Variants in F13A1 observed in about 807,000 individuals in gnomAD.
F13A1 encodes the protein coagulation factor XIII A chain.
A neutral mutation model predicts 80.1 loss-of-function variants in F13A1; 47 were observed. That is an observed-to-expected ratio of 0.59 (90% CI 0.46 to 0.75). The LOEUF (loss-of-function observed/expected upper bound fraction) is 0.75. F13A1 is among the 30% of genes least tolerant of loss of function. The pLI is 0.00. For synonymous variants in F13A1, 349 were observed against 344.9 expected (o/e 1.01, Z -0.13); for missense variants, 817 against 930.4 (o/e 0.88, Z 1.59).
At chr6:6,176,360 C>A (rs1760882882) in intron 11 of F13A1, among the ~76,000 whole-genome samples, 1 of 152,154 alleles carries the variant, frequency 6.6e-6, no homozygotes, top group African/African-American at 2.4e-5. Context: ...GTCATTTAAT[C>A]CTCATAACAA....
At chr6:6,185,169 G>A (rs976084569) in intron 10 of F13A1, among the ~76,000 whole-genome samples, 4 of 149,640 alleles carry the variant, frequency 2.7e-5, no homozygotes, top group Non-Finnish European at 5.9e-5. Flanking sequence ...TAGGGTACAT[G>A]TGCACATTGT....
chr6:6,179,178 T>C (rs1031995899), intron 11 of F13A1, among the ~76,000 whole-genome samples: 1 of 152,156 alleles, frequency 6.6e-6, no homozygotes, highest in African/African-American at 2.4e-5. Context: ...TGGAAGTAAC[T>C]GAAGGAGCAA....
At chr6:6,209,528 T>A (rs1324448556) in intron 8 of F13A1, among the ~76,000 whole-genome samples, 1 of 152,150 alleles carries the variant, frequency 6.6e-6, no homozygotes, top group African/African-American at 2.4e-5. Context: ...AAAACATATG[T>A]TCACATAAAA....
Position 6,305,387 on chromosome 6 carries a change from G to T in F13A1, c.283C>A (p.Pro95Thr). ...VQIDFSRPYD[P>T]RRDLFRVEYV... ...TCCACCCTGAAGAGATCCCTTCTGG[G>T]GTCATATGGACGACTGAAGTCAATC... The change falls in exon 3 of 15, where the codon CCC (proline) becomes ACC (threonine). Residue 95 changes from proline (P) to threonine (T), a missense_variant. Physicochemically the swap from Pro to Thr is conservative, Grantham distance 38. Transcript: ENST00000264870. 1 of 1,614,146 alleles carries T rather than the reference G, an allele frequency of 6.2e-7. No homozygotes were observed. The highest frequency in any genetic ancestry group is 8.5e-7 in the Non-Finnish European group (1 of 1,180,030).
At chr6:6,184,644 G>A (rs183058421) in intron 10 of F13A1, among the ~76,000 whole-genome samples, 297 of 152,296 alleles carry the variant, frequency 2.0e-3, no homozygotes, top group Middle Eastern at 0.017. Context: ...CTTTCAAATC[G>A]TAGCAACAAT....
rs3024447 is a variant in F13A1 at position 6,174,345 on chromosome 6, A to G, written c.1747+235T>C. 6.6e-3 allele frequency among the ~76,000 whole-genome samples: 1,010 copies of G among 152,100 alleles called. 7 individuals carry two copies. Among genetic ancestry groups the G allele is most frequent in the African/African-American group, 0.023 (946 of 41,472 alleles). On this transcript the variant is annotated intron_variant, in intron 12 of 14. Coordinates refer to ENST00000264870, the MANE Select transcript of F13A1 (RefSeq NM_000129.4). ...GCAAAGGTTGCAGTGAACCAAGATCATCGCATTGCACTCCAGCCTGGGTGT... is the reference window on the plus strand; with the variant it reads ...GCAAAGGTTGCAGTGAACCAAGATCGTCGCATTGCACTCCAGCCTGGGTGT...
At chr6:6,154,464 G>T (rs1871970) in intron 13 of F13A1, among the ~76,000 whole-genome samples, 41,483 of 152,082 alleles carry the variant, frequency 0.27, 5,996 homozygotes, top group African/African-American at 0.38. Flanking sequence ...TCCTGTGCCA[G>T]GTACGATGTT....
At chr6:6,287,098 A>G (rs1043609194) in intron 3 of F13A1, among the ~76,000 whole-genome samples, 4 of 152,202 alleles carry the variant, frequency 2.6e-5, no homozygotes, top group African/African-American at 4.8e-5. Flanking sequence ...GAGGGCAAAG[A>G]TGAAGAATAT....
At position 6,173,404 on chromosome 6, in the gene F13A1, C is replaced by CTTT. The variant is rs1401906503; in HGVS notation, c.1747+1173_1747+1175dup. Among the ~76,000 whole-genome samples the CTTT allele has an allele frequency of 2.9e-4, 42 of 144,110 alleles. 6 individuals are homozygous for CTTT. Among genetic ancestry groups the CTTT allele is most frequent in the African/African-American group, 3.7e-4 (14 of 38,090 alleles). The allele number at this position is 144,110 out of a possible 152,430, so 94.5% of individuals were successfully genotyped here. A position where few individuals can be genotyped will look rare whatever the true frequency, so the allele number is the denominator to read the frequency against. On this transcript the variant is annotated intron_variant, in intron 12 of 14. Transcript: ENST00000264870. ...CACAGCTTTGTTTCCAGCCTCCATTCTTTTCTTTTTTTTTTTTTTTTGAGA... is the reference window on the plus strand; with the variant it reads ...CACAGCTTTGTTTCCAGCCTCCATTCTTTTTTTCTTTTTTTTTTTTTTTTGAGA...
chr6:6,286,487 C>G (rs1262737140), intron 3 of F13A1, among the ~76,000 whole-genome samples: 1 of 152,194 alleles, frequency 6.6e-6, no homozygotes, highest in Non-Finnish European at 1.5e-5. Flanking sequence ...CCTTTCATTC[C>G]TGTTCTAAAG....
chr6:6,216,144 A>T (rs1039885728), intron 8 of F13A1, among the ~76,000 whole-genome samples: 3 of 151,856 alleles, frequency 2.0e-5, no homozygotes, highest in Non-Finnish European at 4.4e-5. Flanking sequence ...TCAAGCTACC[A>T]GTGACTTTCT....
rs1034290892 is a variant in F13A1, at chr6:6,243,206, TACCATCACCACC to T, written c.798+5094_798+5105del. Among the ~76,000 whole-genome samples the T allele has an allele frequency of 1.3e-5, 2 of 148,174 alleles. No individual in the cohort carries two copies. Among genetic ancestry groups the T allele is most frequent in the African/African-American group, 2.5e-5 (1 of 40,112 alleles). The stretch of plus-strand genomic sequence containing the variant: ...CCATCACTCCCACCACCATCACTCC[TACCATCACCACC>T]ACCATCACCGTCACCATCTCCACCA... On this transcript the variant is annotated intron_variant, in intron 6 of 14. Coordinates refer to ENST00000264870, the MANE Select transcript of F13A1 (RefSeq NM_000129.4). This position sits in a 1 kb window ranked among gnomAD's most constrained non-coding sequence, Gnocchi z 4.2.
At chr6:6,203,021 T>C (rs1174670440) in intron 8 of F13A1, among the ~76,000 whole-genome samples, 2 of 152,136 alleles carry the variant, frequency 1.3e-5, no homozygotes, top group Admixed American at 6.5e-5. Flanking sequence ...CAAAGACAAG[T>C]GTGTTATGTA....
intron 3 of F13A1, among the ~76,000 whole-genome samples, chr6:6,293,836 TG>T (rs1030560495): frequency 3.0e-5 from 4 of 133,712 alleles, no homozygotes; most frequent in African/African-American, 1.2e-4. Context: ...AGAAGGAAAT[TG>T]GTTAGAAGGC....
intron 3 of F13A1, among the ~76,000 whole-genome samples, chr6:6,270,425 T>C (rs866814610): frequency 6.6e-5 from 10 of 152,248 alleles, no homozygotes; most frequent in South Asian, 2.1e-4. Flanking sequence ...AGGAAGTTTG[T>C]AGCTTTTTAT....
At chr6:6,194,932 G>T (rs1195214433) in intron 10 of F13A1, among the ~76,000 whole-genome samples, 1 of 152,164 alleles carries the variant, frequency 6.6e-6, no homozygotes, top group Non-Finnish European at 1.5e-5. Context: ...TTTATTTTCT[G>T]TAAAATGGGA....
chr6:6,220,567 C>CTGTGTGTG (rs4053227), intron 8 of F13A1, among the ~76,000 whole-genome samples: 1 of 149,668 alleles, frequency 6.7e-6, no homozygotes, highest in African/African-American at 2.5e-5. Context: ...GTGTGTCTGT[C>CTGTGTGTG]TGTGTGTGTG....
At chr6:6,245,954 C>A (rs978013635) in intron 6 of F13A1, among the ~76,000 whole-genome samples, 5 of 152,206 alleles carry the variant, frequency 3.3e-5, no homozygotes, top group Non-Finnish European at 5.9e-5. Flanking sequence ...GAATTCAGAA[C>A]AACTCTGCAC....
At chr6:6,319,852 A>G (rs1019898673) in intron 1 of F13A1, among the ~76,000 whole-genome samples, 2 of 152,184 alleles carry the variant, frequency 1.3e-5, no homozygotes, top group African/African-American at 4.8e-5. Context: ...GTATAGATAA[A>G]TATATTTACA....
Sources: gnomAD v4.1 joint callset for allele counts (sites outside exome capture counted in the v4.1 genomes callset) on GRCh38, gnomAD v4.1.1 for gene constraint, Gnocchi (gnomAD v3.1) non-coding constraint, MANE v1.5 for transcripts, NCBI Gene and HGNC (gene_info 2026-07-23, HGNC 2026-07-21) for gene names.